ZNF407: variants seen among roughly 807,000 people sequenced by gnomAD.
The protein encoded by ZNF407 is zinc finger protein 407.
ZNF407 carries 17 observed loss-of-function variants against 131.2 expected under a neutral mutation model. The observed-to-expected ratio is 0.13, with a 90% CI of 0.09 to 0.19. The LOEUF (loss-of-function observed/expected upper bound fraction) is 0.19. Ranked by LOEUF, ZNF407 falls within the 10% of genes least tolerant of loss-of-function variation. ZNF407 has a pLI of 1.00. For synonymous variants in ZNF407, 1,156 were observed against 1,062.0 expected (o/e 1.09, Z -1.72); for missense variants, 2,681 against 2,830.6 (o/e 0.95, Z 1.20).
At position 74,650,733 on chromosome 18, in the gene ZNF407, G is replaced by T. The variant is rs1035725304; in HGVS notation, c.4802+9611G>T. On this transcript the variant is annotated intron_variant, in intron 3 of 8. Coordinates refer to ENST00000299687, the MANE Select transcript of ZNF407 (RefSeq NM_017757.3). Reference sequence around the variant, plus strand: ...GGAAGGGGTGGGCCACGGGAATATTGTTTGTTACCCCAAAGAACACATTAT... The same window carrying T: ...GGAAGGGGTGGGCCACGGGAATATTTTTTGTTACCCCAAAGAACACATTAT... Among the ~76,000 whole-genome samples, 8 of 152,100 alleles carry T rather than the reference G, an allele frequency of 5.3e-5. 1 individual carries two copies. Among genetic ancestry groups the T allele is most frequent in the African/African-American group, 1.9e-4 (8 of 41,400 alleles).
At chr18:74,679,629 C>T (rs1035634189) in intron 3 of ZNF407, among the ~76,000 whole-genome samples, 10 of 152,232 alleles carry the variant, frequency 6.6e-5, no homozygotes, top group African/African-American at 2.4e-4. Flanking sequence ...GAATTTGTTA[C>T]CTCTTAAGGC....
chr18:74,951,537 A>T (rs114630439), intron 8 of ZNF407, among the ~76,000 whole-genome samples: 7,289 of 152,182 alleles, frequency 0.048, 600 homozygotes, highest in African/African-American at 0.16. Flanking sequence ...TGCCTTTGAC[A>T]CACTGCTTTG....
At chr18:74,656,032 A>G (rs957074796) in intron 3 of ZNF407, among the ~76,000 whole-genome samples, 2 of 152,124 alleles carry the variant, frequency 1.3e-5, no homozygotes, top group Non-Finnish European at 2.9e-5. Flanking sequence ...TAAAAATTTT[A>G]TAATTTCTTG....
chr18:74,979,766 A>G (rs1280365692), intron 8 of ZNF407, among the ~76,000 whole-genome samples: 2 of 152,200 alleles, frequency 1.3e-5, no homozygotes, highest in Non-Finnish European at 2.9e-5. Context: ...AAAATAAAAT[A>G]AAAGGACCAT....
chr18:74,710,903 G>A (rs1166336249), intron 3 of ZNF407, among the ~76,000 whole-genome samples: 1 of 152,188 alleles, frequency 6.6e-6, no homozygotes, highest in Non-Finnish European at 1.5e-5. Context: ...GAATAGACGA[G>A]TGAGGCTGAG....
At chr18:74,748,258 G>T (rs1001345018) in intron 3 of ZNF407, among the ~76,000 whole-genome samples, 3 of 151,148 alleles carry the variant, frequency 2.0e-5, no homozygotes, top group Non-Finnish European at 3.0e-5. Flanking sequence ...AAGTTTTTCA[G>T]TGTTGCTGAC....
chr18:75,013,681 G>T (rs540535489), intron 8 of ZNF407, among the ~76,000 whole-genome samples: 1 of 152,016 alleles, frequency 6.6e-6, no homozygotes, highest in Non-Finnish European at 1.5e-5. Context: ...GCAAAGTTAC[G>T]TATACCACCA....
chr18:74,750,640 C>T (rs768994819), intron 3 of ZNF407, among the ~76,000 whole-genome samples: 2 of 152,166 alleles, frequency 1.3e-5, no homozygotes, highest in Non-Finnish European at 2.9e-5. Flanking sequence ...GGATGATTTT[C>T]ACTTTTTAGA....
intron 8 of ZNF407, among the ~76,000 whole-genome samples, chr18:74,986,453 T>G (rs1023226135): frequency 1.3e-5 from 2 of 152,180 alleles, no homozygotes; most frequent in African/African-American, 4.8e-5. Flanking sequence ...TAATACTGTT[T>G]CTCGGACCAC....
chr18:74,669,272 G>A (rs1023893458), intron 3 of ZNF407, among the ~76,000 whole-genome samples: 3 of 152,172 alleles, frequency 2.0e-5, no homozygotes, highest in Non-Finnish European at 2.9e-5. Flanking sequence ...CAGAGGACTC[G>A]GCTTTCTGAC....
At chr18:74,891,557 A>C (rs1259288492) in intron 7 of ZNF407, among the ~76,000 whole-genome samples, 1 of 152,178 alleles carries the variant, frequency 6.6e-6, no homozygotes, top group Non-Finnish European at 1.5e-5. Context: ...TTCATTCATT[A>C]ATTATTCATT....
At chr18:74,599,388 T>G (rs555520233) in intron 1 of ZNF407, among the ~76,000 whole-genome samples, 33 of 152,352 alleles carry the variant, frequency 2.2e-4, no homozygotes, top group African/African-American at 7.7e-4. Flanking sequence ...CATTGGTACC[T>G]TTTAAGCAGA....
At position 74,607,010 on chromosome 18, in the gene ZNF407, CA is replaced by C. The variant is rs1982836660; in HGVS notation, c.-54+9075del. 2.0e-5 allele frequency among the ~76,000 whole-genome samples: 3 copies of C among 152,310 alleles called. 1 individual carries two copies. The highest frequency in any genetic ancestry group is 6.8e-3 in the Middle Eastern group (2 of 294). ...CTTTTAGAGGGAATGAGGATTGTGG[CA>C]ACCCTATTCCGACTCCTCATCGTCT... is the stretch of plus-strand genomic sequence containing the variant. On this transcript the variant is annotated intron_variant, in intron 1 of 8. Coordinates refer to ENST00000299687, the MANE Select transcript of ZNF407 (RefSeq NM_017757.3).
At chr18:74,694,462 A>G (rs1458992827) in intron 3 of ZNF407, among the ~76,000 whole-genome samples, 3 of 151,298 alleles carry the variant, frequency 2.0e-5, no homozygotes, top group African/African-American at 7.3e-5. Context: ...CCTGGCTCCA[A>G]GGAGTTTCAC....
At position 74,631,494 on chromosome 18, in the gene ZNF407, T is replaced by A; in HGVS notation, c.475T>A (p.Ser159Thr). 1.9e-6 allele frequency: 3 copies of A among 1,613,966 alleles called. No homozygotes were observed. In the South Asian group the frequency reaches 3.3e-5, roughly 18 times the overall value. ...TEKTSAQEMV[S>T]LDLERESPFP... ...AAAAACATCTGCTCAGGAAATGGTT[T>A]CCCTTGATCTGGAAAGAGAATCTCC... The change falls in exon 2 of 9, where the codon TCC (serine) becomes ACC (threonine). Residue 159 changes from serine (S) to threonine (T), a missense_variant. Physicochemically the swap from Ser to Thr is moderately conservative, Grantham distance 58. Around this residue, in one of 6 missense-constraint regions of ZNF407, gnomAD observed 1,789 missense variants for 1,748.7 expected, o/e 1.02. Coordinates refer to ENST00000299687, the MANE Select transcript of ZNF407 (RefSeq NM_017757.3).
At chr18:74,682,952 C>T (rs1568164943) in intron 3 of ZNF407, among the ~76,000 whole-genome samples, 1 of 152,252 alleles carries the variant, frequency 6.6e-6, no homozygotes, top group South Asian at 2.1e-4. Context: ...AAGAGATACG[C>T]GGCAGGTTCT....
At chr18:74,902,068 C>T (rs1173625573) in intron 7 of ZNF407, among the ~76,000 whole-genome samples, 6 of 152,160 alleles carry the variant, frequency 3.9e-5, no homozygotes, top group African/African-American at 1.4e-4. Context: ...TTTATTGTCC[C>T]TGGGAAGGTG....
intron 3 of ZNF407, among the ~76,000 whole-genome samples, chr18:74,672,639 T>C (rs1300398901): frequency 2.0e-5 from 3 of 152,060 alleles, no homozygotes; most frequent in African/African-American, 7.2e-5. Flanking sequence ...TGTTTATTCA[T>C]TGGAGCACTG....
intron 8 of ZNF407, among the ~76,000 whole-genome samples, chr18:74,997,864 A>G (rs530452932): frequency 2.6e-5 from 4 of 152,174 alleles, no homozygotes; most frequent in Non-Finnish European, 4.4e-5. Context: ...AATACTAGCC[A>G]TTTCTTGAAG....
Sources: allele counts gnomAD v4.1 joint callset (sites outside exome capture counted in the v4.1 genomes callset), GRCh38; gene constraint gnomAD v4.1.1; regional missense constraint gnomAD v4.1.1; transcripts MANE v1.5; gene names NCBI Gene and HGNC (gene_info 2026-07-23, HGNC 2026-07-21).